The following SUSD6 variants were observed in gnomAD, a reference collection of about 807,000 sequenced individuals.
SUSD6 encodes the protein sushi domain-containing protein 6.
In SUSD6, 16 loss-of-function variants were observed where a neutral mutation model predicts 28.4. That is an observed-to-expected ratio of 0.56 (90% CI 0.38 to 0.86). The LOEUF (loss-of-function observed/expected upper bound fraction) is 0.86, where lower values mean the gene tolerates loss of function less well. Ranked by LOEUF, SUSD6 falls within the 40% of genes least tolerant of loss-of-function variation. The probability of loss-of-function intolerance (pLI) is 0.00; values close to 1 mark genes in which losing one functional copy is unlikely to be tolerated. For missense variants in SUSD6, 341 were observed against 384.2 expected (o/e 0.89, Z 0.94); for synonymous variants, 147 against 159.6 (o/e 0.92, Z 0.59).
intron 2 of SUSD6, among the ~76,000 whole-genome samples, chr14:69,689,789 C>A (rs1010238303): frequency 2.6e-5 from 4 of 152,170 alleles, no homozygotes; most frequent in Admixed American, 2.6e-4. Flanking sequence ...ACAAGCCCTC[C>A]CGAGTAGCTG....
Position 69,711,483 on chromosome 14 carries a change from G to A in SUSD6, c.*504G>A. The A allele has an allele frequency of 6.4e-6, 1 of 156,390 alleles. No homozygotes were observed. Among genetic ancestry groups the A allele is most frequent in the Non-Finnish European group, 1.4e-5 (1 of 70,496 alleles). 9.7% of individuals were successfully genotyped at this position (156,390 alleles called of 1,614,324 possible). On this transcript the variant is annotated 3_prime_UTR_variant, in exon 6 of 6. Transcript: ENST00000342745. Reference sequence around the variant, plus strand: ...GTCTGTCCTGTTTCCTTTGAGGGTTGCCCCTACTGCCCTTTGCAGGAACAG... The same window carrying A: ...GTCTGTCCTGTTTCCTTTGAGGGTTACCCCTACTGCCCTTTGCAGGAACAG...
chr14:69,645,675 TATC>T lies in SUSD6; in HGVS notation c.-80-12834_-80-12832del, dbSNP rs564670326. Among the ~76,000 whole-genome samples the T allele has an allele frequency of 1.6e-4, 25 of 152,264 alleles. No homozygotes were observed. In the South Asian group the frequency reaches 5.0e-3, roughly 30 times the overall value. ...TTATAAGACACAAACCCCCTCTAGT[TATC>T]ATCCAGTCTTTCTTCTCCCTTCTTT... On this transcript the variant is annotated intron_variant, in intron 1 of 5. Coordinates refer to ENST00000342745, the MANE Select transcript of SUSD6 (RefSeq NM_014734.4).
chr14:69,632,508 G>A (rs149710714), intron 1 of SUSD6, among the ~76,000 whole-genome samples: 1,971 of 152,248 alleles, frequency 0.013, 27 homozygotes, highest in South Asian at 0.046. Context: ...AGAGCTGCCA[G>A]TAAAACTTCA....
intron 1 of SUSD6, among the ~76,000 whole-genome samples, chr14:69,619,277 A>G (rs1885001551): frequency 6.6e-6 from 1 of 152,214 alleles, no homozygotes; most frequent in East Asian, 1.9e-4. Context: ...ATTAAGTCCA[A>G]TTCTTCTGAA....
intron 1 of SUSD6, among the ~76,000 whole-genome samples, chr14:69,637,451 C>G (rs112780972): frequency 6.6e-6 from 1 of 152,088 alleles, no homozygotes; most frequent in Non-Finnish European, 1.5e-5. Flanking sequence ...AATGAATGTC[C>G]CCCCCTAACC....
chr14:69,658,417 A>G (rs1016275253), intron 1 of SUSD6, 96 bp from the exon 2 acceptor site: 5 of 634,186 alleles, frequency 7.9e-6, no homozygotes, highest in African/African-American at 3.7e-5. Context: ...AATTCTCTCA[A>G]CTTTGTGTGT....
intron 1 of SUSD6, among the ~76,000 whole-genome samples, chr14:69,648,353 A>G (rs571176099): frequency 8.5e-5 from 13 of 152,340 alleles, no homozygotes; most frequent in African/African-American, 3.1e-4. Context: ...TTTCCAGTTA[A>G]AGGAGAAACA....
intron 2 of SUSD6, among the ~76,000 whole-genome samples, chr14:69,699,607 T>C (rs1225627522): frequency 2.0e-5 from 3 of 152,118 alleles, no homozygotes; most frequent in African/African-American, 7.2e-5. Context: ...GAGCATCTTA[T>C]GACATACTTC....
rs1316190682 is a variant in SUSD6 at position 69,652,662 on chromosome 14, G to A, written c.-80-5851G>A. Among the ~76,000 whole-genome samples the A allele has an allele frequency of 4.6e-5, 7 of 152,262 alleles. No individual in the cohort carries two copies. In the East Asian group the frequency reaches 1.4e-3, roughly 29 times the overall value. Reference sequence around the variant, plus strand: ...CAGCAGGGGTGGGCCCCAGGCACGTGGACTGAGGAGATCTGGGCCCTGGCT... The same window carrying A: ...CAGCAGGGGTGGGCCCCAGGCACGTAGACTGAGGAGATCTGGGCCCTGGCT... On this transcript the variant is annotated intron_variant, in intron 1 of 5. Coordinates refer to ENST00000342745, the MANE Select transcript of SUSD6 (RefSeq NM_014734.4).
At chr14:69,707,223 G>T (rs975445362) in intron 4 of SUSD6, among the ~76,000 whole-genome samples, 10 of 152,108 alleles carry the variant, frequency 6.6e-5, no homozygotes, top group African/African-American at 2.4e-4. Flanking sequence ...AAATTTCTGG[G>T]ATCTGATGAT....
chr14:69,665,476 C>T (rs923181873), intron 2 of SUSD6, among the ~76,000 whole-genome samples: 3 of 152,192 alleles, frequency 2.0e-5, no homozygotes, highest in Admixed American at 1.3e-4. Context: ...TGGTCTTGAA[C>T]TCCTGGGCTC....
chr14:69,637,010 T>C (rs1224175793), intron 1 of SUSD6, among the ~76,000 whole-genome samples: 1 of 152,206 alleles, frequency 6.6e-6, no homozygotes, highest in Non-Finnish European at 1.5e-5. Flanking sequence ...AAGGCAGTAA[T>C]GTGTTAGGAT....
At chr14:69,700,240 A>T (rs1348825748) in intron 2 of SUSD6, among the ~76,000 whole-genome samples, 1 of 152,180 alleles carries the variant, frequency 6.6e-6, no homozygotes. Context: ...TAAAAGGGAA[A>T]CCTTGCTGAG....
At chr14:69,635,285 G>A (rs1272439333) in intron 1 of SUSD6, among the ~76,000 whole-genome samples, 2 of 152,204 alleles carry the variant, frequency 1.3e-5, no homozygotes, top group African/African-American at 2.4e-5. Context: ...GGATGAAGTT[G>A]TGTGTTTTCT....
At chr14:69,675,681 C>G (rs1347758845) in intron 2 of SUSD6, among the ~76,000 whole-genome samples, 1 of 152,176 alleles carries the variant, frequency 6.6e-6, no homozygotes, top group Non-Finnish European at 1.5e-5. Flanking sequence ...GCTTGTATAT[C>G]ATGTCATATT....
chr14:69,703,158 A>G (rs1258977596), intron 2 of SUSD6, among the ~76,000 whole-genome samples: 1 of 152,168 alleles, frequency 6.6e-6, no homozygotes, highest in East Asian at 1.9e-4. Context: ...AATTCTCTTA[A>G]GGCATGGTGG....
chr14:69,697,865 A>G (rs1281564794), intron 2 of SUSD6, among the ~76,000 whole-genome samples: 1 of 152,212 alleles, frequency 6.6e-6, no homozygotes, highest in African/African-American at 2.4e-5. Flanking sequence ...GGTTTAGGGT[A>G]GAGTTGGCTG....
chr14:69,652,538 G>A (rs1410841942), intron 1 of SUSD6, among the ~76,000 whole-genome samples: 2 of 152,162 alleles, frequency 1.3e-5, no homozygotes, highest in African/African-American at 4.8e-5. Context: ...TGGGAGCCAC[G>A]CTTGACTGAA....
At chr14:69,626,077 C>A (rs1021406926) in intron 1 of SUSD6, among the ~76,000 whole-genome samples, 2 of 152,154 alleles carry the variant, frequency 1.3e-5, no homozygotes, top group Non-Finnish European at 2.9e-5. Flanking sequence ...TGGAGCTTCT[C>A]TGTGGGCTCC....
Sources: gnomAD v4.1 joint callset for allele counts (sites outside exome capture counted in the v4.1 genomes callset) on GRCh38, gnomAD v4.1.1 for gene constraint, MANE v1.5 for transcripts, NCBI Gene and HGNC (gene_info 2026-07-23, HGNC 2026-07-21) for gene names.